The following BCOR variants were observed in gnomAD, a reference collection of about 807,000 sequenced individuals.
BCOR encodes the protein BCL-6 corepressor.
BCOR carries 10 observed loss-of-function variants against 86.7 expected under a neutral mutation model. The ratio of observed to expected loss-of-function variants is 0.12; its 90% CI spans 0.07 to 0.20. BCOR has a LOEUF of 0.20. Among genes scored for constraint, BCOR ranks in the 10% least tolerant of loss-of-function variants. The probability of loss-of-function intolerance (pLI) is 1.00; values close to 1 mark genes in which losing one functional copy is unlikely to be tolerated. For missense variants in BCOR, 1,259 were observed against 1,452.1 expected (o/e 0.87, Z 2.16); for synonymous variants, 611 against 609.0 (o/e 1.00, Z -0.05).
chrX:40,165,540 G>T (rs1333719060), intron 1 of BCOR, among the ~76,000 whole-genome samples: 2 of 112,330 alleles, frequency 1.8e-5, no homozygotes, highest in African/African-American at 6.5e-5. Flanking sequence ...ACCAAGGCTG[G>T]CTTGGCTTCC....
chrX:40,074,442 G>T lies in BCOR; in HGVS notation c.904C>A (p.His302Asn), dbSNP rs1935677258. ...GVSPGNPVDSHAYPHIQNSKQ... is the reference protein window; with the variant it reads ...GVSPGNPVDSNAYPHIQNSKQ... ...CTGTTCTGGATGTGAGGATAGGCGT[G>T]GGAATCAACAGGATTCCCAGGGCTG... Residue 302 changes from histidine (H) to asparagine (N), a missense_variant, in exon 4 of 15, where the codon CAC (histidine) becomes AAC (asparagine). Coordinates refer to ENST00000378444, the MANE Select transcript of BCOR (RefSeq NM_001123385.2). 1.7e-6 allele frequency: 2 copies of T among 1,206,676 alleles called. No homozygotes were observed. The highest frequency in any genetic ancestry group is 3.5e-5 in the African/African-American group (2 of 57,486).
At chrX:40,129,051 C>T (rs1318639248) in intron 1 of BCOR, among the ~76,000 whole-genome samples, 1 of 111,908 alleles carries the variant, frequency 8.9e-6, no homozygotes, top group East Asian at 2.8e-4. Flanking sequence ...AGCTGAGACT[C>T]AGAGAGGTTA....
chrX:40,148,781 G>A (rs754406265), intron 1 of BCOR, among the ~76,000 whole-genome samples: 3 of 111,653 alleles, frequency 2.7e-5, no homozygotes, highest in East Asian at 2.8e-4. Flanking sequence ...ATTGGCAAAG[G>A]AGGGAAATGG....
intron 1 of BCOR, among the ~76,000 whole-genome samples, chrX:40,159,408 G>T (rs183344409): frequency 2.7e-5 from 3 of 112,969 alleles, no homozygotes; most frequent in African/African-American, 9.6e-5. Flanking sequence ...GTGCACTGGC[G>T]CGATCTCCGC....
rs1312268675 is a variant in BCOR, at chrX:40,151,232, G to A, written c.-41+25775C>T. ...GCCCAAGGCGCAGGTGAGCTCTGCT[G>A]CAGAAGGAACCTACACACCAAGTCC... On this transcript the variant is annotated intron_variant, in intron 1 of 14. Coordinates refer to the BCOR transcript ENST00000342274. 1.4e-4 allele frequency among the ~76,000 whole-genome samples: 16 copies of A among 112,751 alleles called. No individual in the cohort carries two copies. The Admixed American group carries it at 1.5e-3, about 10-fold the overall frequency.
chrX:40,080,778 C>T (rs1163549312), intron 1 of BCOR, among the ~76,000 whole-genome samples: 1 of 106,777 alleles, frequency 9.4e-6, no homozygotes, highest in Non-Finnish European at 1.9e-5. Flanking sequence ...TGCACAGGGT[C>T]AGATGGAGGG....
intron 1 of BCOR, among the ~76,000 whole-genome samples, chrX:40,080,587 G>A (rs1447270737): frequency 9.0e-6 from 1 of 111,573 alleles, no homozygotes; most frequent in African/African-American, 3.3e-5. Context: ...TCCCTTCAAA[G>A]AGCCTTTCTT....
At position 40,053,928 on chromosome X, in the gene BCOR, G is replaced by C. The variant is rs2146862823; in HGVS notation, c.4934C>G (p.Pro1645Arg). The change falls in exon 14 of 15, where the codon CCC becomes CGC. Residue 1645 changes from proline (P) to arginine (R), a missense_variant. By Grantham distance (103) the Pro-to-Arg change is moderately radical. Coordinates refer to ENST00000378444, the MANE Select transcript of BCOR (RefSeq NM_001123385.2). ...DVFEFEFSET[P>R]LLPCYNIQVS... ...TTGGATGTTATAACACGGTAAGAGG[G>C]GGGTCTCTGAAAATTCAAATTCAAA... 1 of 1,211,033 alleles carries C rather than the reference G, an allele frequency of 8.3e-7. No homozygotes were observed. The highest frequency in any genetic ancestry group is 1.1e-6 in the Non-Finnish European group (1 of 895,191).
rs780348147 is a variant in BCOR at position 40,073,059 on chromosome X, G to A, written c.2287C>T (p.Arg763Trp). ...ARYEDPTLRN[R>W]FSEILETSST... ...CTAGTTTCCAAAATCTCGGAAAACC[G>A]ATTCCGGAGGGTTGGGTCCTCGTAA... The change falls in exon 4 of 15, where the codon CGG becomes TGG. Residue 763 changes from arginine (R) to tryptophan (W), a missense_variant. Arg to Trp is a moderately radical substitution (Grantham distance 101). Around this residue, in one of 7 missense-constraint regions of BCOR, gnomAD observed 534 missense variants for 594.8 expected, o/e 0.90. Transcript: ENST00000378444. 12 of 1,210,468 alleles carry A rather than the reference G, an allele frequency of 9.9e-6. No homozygotes were observed. The highest frequency in any genetic ancestry group is 5.2e-5 in the African/African-American group (3 of 57,256).
chrX:40,075,716 G>A (rs949254723), intron 3 of BCOR, among the ~76,000 whole-genome samples: 5 of 111,190 alleles, frequency 4.5e-5, no homozygotes, highest in Non-Finnish European at 7.6e-5. Flanking sequence ...CCAAGACTGC[G>A]CCACTGCACT....
chrX:40,138,441 C>A (rs1937735964), intron 1 of BCOR, among the ~76,000 whole-genome samples: 1 of 112,118 alleles, frequency 8.9e-6, no homozygotes, highest in Admixed American at 9.5e-5. Flanking sequence ...ATCAACTCGG[C>A]CAAATGACTT....
intron 1 of BCOR, among the ~76,000 whole-genome samples, chrX:40,106,689 C>T (rs1231584951): frequency 8.8e-6 from 1 of 113,154 alleles, no homozygotes; most frequent in Non-Finnish European, 1.9e-5. Flanking sequence ...GTCTCTTTCC[C>T]CTTTGTTTTC....
chrX:40,060,543 T>A (rs1320899607), intron 10 of BCOR, among the ~76,000 whole-genome samples: 1 of 112,224 alleles, frequency 8.9e-6, no homozygotes, highest in Non-Finnish European at 1.9e-5. Context: ...CCAGGAGCCC[T>A]ACCCCGCTAT....
rs1471717155 is a variant in BCOR, at chrX:40,139,481, ATATATATATATATATATTTTTTTTT to A, written c.-41+37501_-41+37525del. ...CATATATATATATATATATATATAT[ATATATATATATATATATTTTTTTTT>A]TTTTTTAAGCATCAGCCTTAATAGG... On this transcript the variant is annotated intron_variant, in intron 1 of 14. Coordinates refer to the BCOR transcript ENST00000342274. Among the ~76,000 whole-genome samples, 24 of 13,588 alleles carry A rather than the reference ATATATATATATATATATTTTTTTTT, an allele frequency of 1.8e-3. 3 individuals carry two copies. Among genetic ancestry groups the A allele is most frequent in the African/African-American group, 0.014 (24 of 1,704 alleles). The allele number at this position is 13,588 out of a possible 115,157, so 11.8% of individuals were successfully genotyped here. A position where few individuals can be genotyped will look rare whatever the true frequency, so the allele number is the denominator to read the frequency against.
intron 5 of BCOR, 73 bp from the exon 6 acceptor site, chrX:40,071,232 T>C (rs2147183071): frequency 9.5e-7 from 1 of 1,055,884 alleles, no homozygotes; most frequent in Non-Finnish European, 1.3e-6. Flanking sequence ...TTGCCTTATC[T>C]TAAAGGAAAG....
At chrX:40,142,766 C>A (rs185860545) in intron 1 of BCOR, among the ~76,000 whole-genome samples, 13 of 111,597 alleles carry the variant, frequency 1.2e-4, no homozygotes, top group Non-Finnish European at 2.1e-4. Flanking sequence ...TTCCATTTCT[C>A]CTTGATTTCA....
intron 1 of BCOR, among the ~76,000 whole-genome samples, chrX:40,166,515 A>C (rs1158464627): frequency 9.0e-6 from 1 of 111,439 alleles, no homozygotes. Flanking sequence ...ACCTGGCAGG[A>C]ATCTTGGCAC....
At chrX:40,064,637 GA>G in intron 6 of BCOR, 38 bp from the exon 7 acceptor site, 1 of 1,206,344 alleles carries the variant, frequency 8.3e-7, no homozygotes, top group East Asian at 3.0e-5. Context: ...AATGAAGCCC[GA>G]AGGTCGCCAT....
intron 1 of BCOR, among the ~76,000 whole-genome samples, chrX:40,104,220 G>A (rs955386932): frequency 8.9e-6 from 1 of 111,808 alleles, no homozygotes; most frequent in Non-Finnish European, 1.9e-5. Flanking sequence ...CGCACTCAGT[G>A]CCTTCAAACT....
Sources: gnomAD v4.1 joint callset for allele counts (sites outside exome capture counted in the v4.1 genomes callset) on GRCh38, gnomAD v4.1.1 for gene constraint, gnomAD v4.1.1 regional missense constraint, MANE v1.5 for transcripts, NCBI Gene and HGNC (gene_info 2026-07-23, HGNC 2026-07-21) for gene names.